CNTNAP2: variants seen among roughly 807,000 people sequenced by gnomAD.
CNTNAP2 encodes contactin-associated protein-like 2.
A neutral mutation model predicts 155.2 loss-of-function variants in CNTNAP2; 98 were observed. The ratio of observed to expected loss-of-function variants is 0.63; its 90% CI spans 0.54 to 0.75. The LOEUF (loss-of-function observed/expected upper bound fraction) is 0.75. CNTNAP2 is among the 30% of genes least tolerant of loss of function. The pLI, the probability that CNTNAP2 is intolerant of heterozygous loss-of-function variation, is 0.00. For synonymous variants in CNTNAP2, 651 were observed against 631.2 expected (o/e 1.03, Z -0.47); for missense variants, 1,727 against 1,688.1 (o/e 1.02, Z -0.40).
At chr7:148,084,798 G>C (rs1803688714) in intron 15 of CNTNAP2, among the ~76,000 whole-genome samples, 1 of 152,174 alleles carries the variant, frequency 6.6e-6, no homozygotes, top group African/African-American at 2.4e-5. Context: ...TCTCCTAGAG[G>C]AGTGCATAGG....
chr7:146,236,637 A>T (rs756528286), intron 1 of CNTNAP2, among the ~76,000 whole-genome samples: 4 of 152,188 alleles, frequency 2.6e-5, no homozygotes, highest in Non-Finnish European at 5.9e-5. Flanking sequence ...TATAGACTTA[A>T]TAACAATTTC....
At chr7:148,006,643 A>C (rs1801987643) in intron 15 of CNTNAP2, among the ~76,000 whole-genome samples, 1 of 144,834 alleles carries the variant, frequency 6.9e-6, no homozygotes, top group Admixed American at 7.0e-5. Flanking sequence ...TATATCCCAG[A>C]CAAAAAAAAA....
At chr7:148,000,655 A>G (rs1801879950) in intron 15 of CNTNAP2, among the ~76,000 whole-genome samples, 1 of 152,104 alleles carries the variant, frequency 6.6e-6, no homozygotes, top group African/African-American at 2.4e-5. Flanking sequence ...CCCAACAAAA[A>G]CTAGTTCTTT....
At chr7:147,581,832 C>T (rs113922391) in intron 12 of CNTNAP2, among the ~76,000 whole-genome samples, 5,922 of 152,136 alleles carry the variant, frequency 0.039, 400 homozygotes, top group African/African-American at 0.14. Flanking sequence ...AGAACTTATA[C>T]ATAGTAGGAG....
At chr7:146,878,460 A>T (rs890729115) in intron 3 of CNTNAP2, among the ~76,000 whole-genome samples, 3 of 150,040 alleles carry the variant, frequency 2.0e-5, no homozygotes, top group Admixed American at 1.3e-4. Flanking sequence ...TTTTTTTTTA[A>T]TAAGATTATA....
chr7:146,202,571 G>C (rs1798882576), intron 1 of CNTNAP2, among the ~76,000 whole-genome samples: 1 of 151,972 alleles, frequency 6.6e-6, no homozygotes, highest in Non-Finnish European at 1.5e-5. Context: ...ATTTATTGTT[G>C]TATGTTTAAG....
chr7:147,513,529 T>C (rs543045471), intron 11 of CNTNAP2, among the ~76,000 whole-genome samples: 3 of 152,244 alleles, frequency 2.0e-5, no homozygotes, highest in Non-Finnish European at 2.9e-5. Context: ...GCAACACATG[T>C]TGATTATAAA....
At chr7:146,731,182 T>G (rs1474485962) in intron 1 of CNTNAP2, among the ~76,000 whole-genome samples, 1 of 152,018 alleles carries the variant, frequency 6.6e-6, no homozygotes, top group Admixed American at 6.6e-5. Flanking sequence ...GTGTCCAGAT[T>G]GTACGAGTGC....
intron 1 of CNTNAP2, among the ~76,000 whole-genome samples, chr7:146,130,977 C>G (rs1249015657): frequency 1.3e-5 from 2 of 152,158 alleles, no homozygotes; most frequent in Admixed American, 6.5e-5. Context: ...ACCCTTGGCA[C>G]TTGGGGATTA....
chr7:146,928,793 C>A (rs924655842), intron 3 of CNTNAP2, among the ~76,000 whole-genome samples: 14 of 152,218 alleles, frequency 9.2e-5, no homozygotes, highest in South Asian at 2.1e-4. Context: ...TATCCCGCAC[C>A]TGGCTCGGAG....
intron 10 of CNTNAP2, among the ~76,000 whole-genome samples, chr7:147,445,488 G>T (rs1262453404): frequency 6.6e-6 from 1 of 152,090 alleles, no homozygotes; most frequent in Admixed American, 6.5e-5. Context: ...AGAATACCCT[G>T]CCTCAGTTTC....
chr7:148,019,801 A>G (rs13234707), intron 15 of CNTNAP2, among the ~76,000 whole-genome samples: 57,228 of 151,006 alleles, frequency 0.38, 11,546 homozygotes, highest in African/African-American at 0.53. Flanking sequence ...GGGGAGGGTG[A>G]GGAGAATGGA....
intron 9 of CNTNAP2, among the ~76,000 whole-genome samples, chr7:147,321,219 G>A (rs563234553): frequency 6.6e-6 from 1 of 152,116 alleles, no homozygotes; most frequent in East Asian, 1.9e-4. Context: ...ACTACCTTGA[G>A]GTCCTGAAAA....
chr7:146,650,777 AATAAAATGATAT>A, intron 1 of CNTNAP2, among the ~76,000 whole-genome samples: 1 of 152,278 alleles, frequency 6.6e-6, no homozygotes, highest in South Asian at 2.1e-4. Context: ...TAAATGGAAA[AATAAAATGATAT>A]AGTGCTAATA....
intron 1 of CNTNAP2, among the ~76,000 whole-genome samples, chr7:146,446,080 C>A (rs1211471054): frequency 7.9e-5 from 12 of 152,080 alleles, no homozygotes; most frequent in Admixed American, 6.5e-4. Context: ...TTACTAAGTT[C>A]ATTGGTCTTA....
intron 1 of CNTNAP2, among the ~76,000 whole-genome samples, chr7:146,289,725 A>G (rs1800398737): frequency 6.6e-6 from 1 of 152,220 alleles, no homozygotes; most frequent in Admixed American, 6.5e-5. Flanking sequence ...AATTTCACAC[A>G]CACAATCTCT....
In CNTNAP2 at chr7:148,172,292, A is replaced by T. The variant is rs1367209218; in HGVS notation, c.2824A>T (p.Met942Leu). 3 of 1,614,018 alleles carry T rather than the reference A, an allele frequency of 1.9e-6. No homozygotes were observed. The highest frequency in any genetic ancestry group is 1.3e-5 in the African/African-American group (1 of 74,916). ...CCTGGGCTGCATCCGCTCCTTGAGG[A>T]TGAATGGGGTGACACTTGACCTGGA... Reference protein sequence around the residue: ...GFLGCIRSLRMNGVTLDLEER... With the variant: ...GFLGCIRSLRLNGVTLDLEER... The change falls in exon 18 of 24, where the codon ATG becomes TTG. Residue 942 changes from methionine (M) to leucine (L), a missense_variant. Transcript: ENST00000361727.
intron 4 of CNTNAP2, among the ~76,000 whole-genome samples, chr7:147,051,461 T>G (rs981601538): frequency 5.3e-5 from 8 of 151,972 alleles, no homozygotes; most frequent in Non-Finnish European, 2.9e-5. Flanking sequence ...AATAAATGAA[T>G]AAGTTAATAG....
chr7:148,261,752 C>T (rs12670839), intron 20 of CNTNAP2, among the ~76,000 whole-genome samples: 39,771 of 152,006 alleles, frequency 0.26, 5,745 homozygotes, highest in East Asian at 0.54. Context: ...GGTCTGTGGG[C>T]AGGTTGCCAT....
Sources: allele counts gnomAD v4.1 joint callset (sites outside exome capture counted in the v4.1 genomes callset), GRCh38; gene constraint gnomAD v4.1.1; transcripts MANE v1.5; gene names NCBI Gene and HGNC (gene_info 2026-07-23, HGNC 2026-07-21).